The following BTBD9 variants were observed in gnomAD, a reference collection of about 807,000 sequenced individuals.
The protein encoded by BTBD9 is BTB domain containing 9, also known as BTB/POZ domain-containing protein 9.
In BTBD9, 49 loss-of-function variants were observed where a neutral mutation model predicts 64.3. The ratio of observed to expected loss-of-function variants is 0.76; its 90% CI spans 0.61 to 0.97. The LOEUF (loss-of-function observed/expected upper bound fraction) is 0.97. BTBD9 is among the 50% of genes least tolerant of loss of function. The probability of loss-of-function intolerance (pLI) is 0.00; values close to 1 mark genes in which losing one functional copy is unlikely to be tolerated. For synonymous variants in BTBD9, 260 were observed against 274.7 expected (o/e 0.95, Z 0.53); for missense variants, 598 against 762.1 (o/e 0.78, Z 2.53).
intron 9 of BTBD9, among the ~76,000 whole-genome samples, chr6:38,196,737 T>A (rs1762284464): frequency 1.3e-5 from 2 of 152,174 alleles, no homozygotes; most frequent in South Asian, 4.1e-4. Flanking sequence ...ATGCAAACAG[T>A]ACAGTGGTCC....
At chr6:38,438,634 A>G (rs948596358) in intron 6 of BTBD9, among the ~76,000 whole-genome samples, 7 of 152,238 alleles carry the variant, frequency 4.6e-5, no homozygotes, top group African/African-American at 9.6e-5. Flanking sequence ...AACTACAAGG[A>G]AGGGTGAAAG....
At chr6:38,231,457 A>G (rs527817050) in intron 9 of BTBD9, among the ~76,000 whole-genome samples, 2 of 152,352 alleles carry the variant, frequency 1.3e-5, no homozygotes, top group East Asian at 3.9e-4. Context: ...AATCAGATAA[A>G]GTTCATGGCA....
At chr6:38,630,217 A>G (rs1205728418) in intron 1 of BTBD9, among the ~76,000 whole-genome samples, 2 of 151,100 alleles carry the variant, frequency 1.3e-5, no homozygotes, top group African/African-American at 2.4e-5. Context: ...AAAAAAAAAA[A>G]GGAGACCAAA....
chr6:38,418,109 A>C (rs577188444), intron 6 of BTBD9, among the ~76,000 whole-genome samples: 3 of 152,370 alleles, frequency 2.0e-5, no homozygotes, highest in African/African-American at 7.2e-5. Context: ...ATAAAAAGTC[A>C]GATTTAACCG....
intron 6 of BTBD9, among the ~76,000 whole-genome samples, chr6:38,466,283 CTTTTTTTTTTTTT>C (rs67769669): frequency 2.3e-5 from 1 of 44,068 alleles, no homozygotes; most frequent in Non-Finnish European, 3.9e-5. Flanking sequence ...CTTCCTTTTC[CTTTTTTTTTTTTT>C]TTTTTTTTTT....
At chr6:38,403,401 C>T (rs73424754) in intron 6 of BTBD9, among the ~76,000 whole-genome samples, 1 of 152,192 alleles carries the variant, frequency 6.6e-6, no homozygotes, top group African/African-American at 2.4e-5. Context: ...AAAACCAACT[C>T]AATTTAAAAA....
chr6:38,305,682 C>T (rs1762601213), intron 7 of BTBD9, among the ~76,000 whole-genome samples: 1 of 152,040 alleles, frequency 6.6e-6, no homozygotes. Flanking sequence ...TGGGGTTTCA[C>T]CATGTTGGCC....
rs560854913 is a variant in BTBD9, at chr6:38,567,765, T to C, written c.1154+9835A>G. Among the ~76,000 whole-genome samples, 48 of 152,346 alleles carry C rather than the reference T, an allele frequency of 3.2e-4. No individual in the cohort carries two copies. In the South Asian group the frequency reaches 8.7e-3, roughly 28 times the overall value. On this transcript the variant is annotated intron_variant, in intron 6 of 10. Transcript: ENST00000481247. ...TCTAGGGAACTTCTACCATTTATAA[T>C]GATGACTGAGAAAGCTCTGATGATT...
At chr6:38,565,160 C>A (rs1014262097) in intron 6 of BTBD9, among the ~76,000 whole-genome samples, 2 of 152,210 alleles carry the variant, frequency 1.3e-5, no homozygotes, top group Non-Finnish European at 2.9e-5. Flanking sequence ...ACAGCTATTT[C>A]CTTTCACCCT....
chr6:38,210,567 TGTG>T, intron 9 of BTBD9, among the ~76,000 whole-genome samples: 1 of 151,854 alleles, frequency 6.6e-6, no homozygotes, highest in East Asian at 1.9e-4. Flanking sequence ...TGTGTGTGTG[TGTG>T]TGTGTGTCTG....
intron 8 of BTBD9, among the ~76,000 whole-genome samples, chr6:38,274,870 G>C (rs1426087719): frequency 6.6e-6 from 1 of 152,092 alleles, no homozygotes; most frequent in African/African-American, 2.4e-5. Flanking sequence ...CCAGGCTTTG[G>C]TATCAGGATG....
intron 6 of BTBD9, among the ~76,000 whole-genome samples, chr6:38,489,819 T>G (rs1395074201): frequency 6.6e-6 from 1 of 152,276 alleles, no homozygotes; most frequent in Non-Finnish European, 1.5e-5. Flanking sequence ...ATTCCCATTT[T>G]TCTTCTGAGG....
chr6:38,602,601 T>C (rs1777293828), intron 1 of BTBD9, among the ~76,000 whole-genome samples: 1 of 152,070 alleles, frequency 6.6e-6, no homozygotes, highest in Non-Finnish European at 1.5e-5. Context: ...ACATACTTTG[T>C]AATGTTTACA....
intron 6 of BTBD9, among the ~76,000 whole-genome samples, chr6:38,394,485 C>A (rs1229747689): frequency 2.0e-5 from 3 of 152,084 alleles, no homozygotes; most frequent in African/African-American, 7.3e-5. Flanking sequence ...TCAGGGCATG[C>A]CAGAGGGGCT....
chr6:38,280,007 A>G (rs190440370), intron 8 of BTBD9, among the ~76,000 whole-genome samples: 3 of 151,016 alleles, frequency 2.0e-5, no homozygotes, highest in Admixed American at 1.3e-4. Context: ...ACACACAAAC[A>G]TATTTTTTTT....
rs371039762 is a variant in BTBD9, at chr6:38,268,738, C to T, written c.1455-12222G>A. ...TCTTTTCCCCACAGAGCACAATCTA[C>T]AAAGTCTTGAGCTCTTGCTAGAAAT... On this transcript the variant is annotated intron_variant, in intron 8 of 10. Transcript: ENST00000481247. Among the ~76,000 whole-genome samples, 19 of 152,344 alleles carry T rather than the reference C, an allele frequency of 1.2e-4. 1 individual carries two copies. Among genetic ancestry groups the T allele is most frequent in the Admixed American group, 6.5e-4 (10 of 15,304 alleles).
At chr6:38,628,990 C>A (rs1778271134) in intron 1 of BTBD9, among the ~76,000 whole-genome samples, 1 of 151,100 alleles carries the variant, frequency 6.6e-6, no homozygotes, top group Non-Finnish European at 1.5e-5. Context: ...AGACACAGAC[C>A]CAGCTTGAAA....
chr6:38,324,702 C>T lies in BTBD9; in HGVS notation c.1264+20282G>A, dbSNP rs376589650. On this transcript the variant is annotated intron_variant, in intron 7 of 10. Coordinates refer to ENST00000481247, the MANE Select transcript of BTBD9 (RefSeq NM_001099272.2). ...GGGAGGAAAAGGGCTCTTTTGTACT[C>T]CTGGCCCTGGGAGTATGAACTGACA... Among the ~76,000 whole-genome samples, 133 of 152,272 alleles carry T rather than the reference C, an allele frequency of 8.7e-4. 1 individual carries two copies. Among genetic ancestry groups the T allele is most frequent in the African/African-American group, 3.2e-3 (131 of 41,556 alleles).
intron 6 of BTBD9, among the ~76,000 whole-genome samples, chr6:38,368,888 G>C (rs1431552178): frequency 3.3e-5 from 5 of 152,122 alleles, no homozygotes; most frequent in Non-Finnish European, 1.5e-5. Flanking sequence ...ACTAACCTCT[G>C]TTTCAGGCTC....
Sources: allele counts gnomAD v4.1 joint callset (sites outside exome capture counted in the v4.1 genomes callset), GRCh38; gene constraint gnomAD v4.1.1; transcripts MANE v1.5; gene names NCBI Gene and HGNC (gene_info 2026-07-23, HGNC 2026-07-21).